Variants in MYH13 observed in about 807,000 individuals in gnomAD.
MYH13 encodes myosin heavy chain 13.
Under a neutral mutation model 232.1 loss-of-function variants are expected in MYH13, and 177 were observed. That is an observed-to-expected ratio of 0.76 (90% CI 0.67 to 0.86). The LOEUF is 0.86. Ranked by LOEUF, MYH13 falls within the 40% of genes least tolerant of loss-of-function variation. The pLI, the probability that MYH13 is intolerant of heterozygous loss-of-function variation, is 0.00. For missense variants in MYH13, 2,246 were observed against 2,405.9 expected (o/e 0.93, Z 1.39); for synonymous variants, 884 against 923.5 (o/e 0.96, Z 0.78).
intron 29 of MYH13, among the ~76,000 whole-genome samples, chr17:10,315,111 G>A (rs908756383): frequency 2.0e-5 from 3 of 152,266 alleles, no homozygotes; most frequent in African/African-American, 7.2e-5. Context: ...GTGATGGGGA[G>A]GAGGTGCCCT....
At chr17:10,366,438 T>C (rs755636215) in intron 2 of MYH13, among the ~76,000 whole-genome samples, 19 of 145,528 alleles carry the variant, frequency 1.3e-4, no homozygotes, top group Non-Finnish European at 1.8e-4. Context: ...TGGAGTGTAA[T>C]GGCACAATCT....
Position 10,306,778 on chromosome 17 carries a change from A to G in MYH13, c.5296-149T>C. 6.6e-7 allele frequency: 1 copy of G among 1,516,208 alleles called. No individual in the cohort carries two copies. The highest frequency in any genetic ancestry group is 1.3e-5 in the South Asian group (1 of 77,974). The allele number at this position is 1,516,208 out of a possible 1,614,324, so 93.9% of individuals were successfully genotyped here. On this transcript the variant is annotated intron_variant, in intron 36 of 40. Transcript: ENST00000252172. This position sits in a 1 kb window ranked among gnomAD's most constrained non-coding sequence, Gnocchi z 4.3. ...CTGATTCCCCACAGCCTCCCCTCCC[A>G]CTTTGCCACTGCTGAGACTGTACCT... is the stretch of plus-strand genomic sequence containing the variant.
At chr17:10,318,755 T>A (rs1377783053) in intron 27 of MYH13, 35 bp downstream of exon 27, 3 of 1,611,054 alleles carry the variant, frequency 1.9e-6, no homozygotes, top group Admixed American at 3.3e-5. Flanking sequence ...TCGGCTGCCT[T>A]GCATTCTCCA....
At chr17:10,345,100 C>T in intron 15 of MYH13, 102 bp downstream of exon 15, 1 of 1,582,684 alleles carries the variant, frequency 6.3e-7, no homozygotes, top group Non-Finnish European at 8.6e-7. Context: ...GGCTTGCAGC[C>T]TGGGGGCTAG....
At chr17:10,361,242 C>A (rs747944291) in intron 5 of MYH13, among the ~76,000 whole-genome samples, 1 of 151,120 alleles carries the variant, frequency 6.6e-6, no homozygotes, top group Non-Finnish European at 1.5e-5. Flanking sequence ...GACACCATTG[C>A]ATTAGATGAT....
intron 2 of MYH13, among the ~76,000 whole-genome samples, chr17:10,367,863 T>C (rs771138578): frequency 6.6e-6 from 1 of 152,194 alleles, no homozygotes; most frequent in Non-Finnish European, 1.5e-5. Flanking sequence ...GAAAGAGTAT[T>C]TTAGTCACCT....
chr17:10,361,901 G>A (rs2072265), intron 5 of MYH13, among the ~76,000 whole-genome samples: 31,091 of 152,152 alleles, frequency 0.2, 3,519 homozygotes, highest in East Asian at 0.47. Flanking sequence ...TCCCAAATAA[G>A]CAAGAGCTCA....
chr17:10,361,967 G>T (rs1368463599), intron 5 of MYH13, 151 bp downstream of exon 5: 1 of 1,432,066 alleles, frequency 7.0e-7, no homozygotes, highest in African/African-American at 1.4e-5. Flanking sequence ...GGCAATGGAA[G>T]ATGTTGTACC....
chr17:10,359,618 A>G lies in MYH13; in HGVS notation c.645+342T>C, dbSNP rs550783762. On this transcript the variant is annotated intron_variant, in intron 7 of 40. Transcript: ENST00000252172. ...ATAGCTGCTTGCTTAGAAGTTCAGG[A>G]GGCCCGGACTGGTCCCTGGTATCCA... Among the ~76,000 whole-genome samples the G allele has an allele frequency of 2.7e-3, 418 of 152,276 alleles. 2 individuals are homozygous for G. The highest frequency in any genetic ancestry group is 9.7e-3 in the African/African-American group (402 of 41,558).
At chr17:10,367,000 C>T (rs2071842898) in intron 2 of MYH13, among the ~76,000 whole-genome samples, 1 of 152,260 alleles carries the variant, frequency 6.6e-6, no homozygotes, top group Admixed American at 6.5e-5. Context: ...GCAGCACCCA[C>T]AAATAAGACT....
At chr17:10,327,803 G>C in intron 22 of MYH13, 63 bp downstream of exon 22, 1 of 1,574,870 alleles carries the variant, frequency 6.3e-7, no homozygotes, top group East Asian at 2.3e-5. Flanking sequence ...CGCCCTCAAT[G>C]TTCCTCCCCC....
At chr17:10,353,453 G>T (rs144540180) in intron 11 of MYH13, among the ~76,000 whole-genome samples, 1 of 152,098 alleles carries the variant, frequency 6.6e-6, no homozygotes, top group Non-Finnish European at 1.5e-5. Context: ...ACCCCTTTTC[G>T]CAAGCTCTTG....
intron 39 of MYH13, 116 bp from the exon 40 acceptor site, chr17:10,301,819 G>T: frequency 1.5e-6 from 2 of 1,340,828 alleles, no homozygotes; most frequent in Non-Finnish European, 2.0e-6. Context: ...ATTCCCTGAT[G>T]GCAGAGAGGG....
At position 10,361,177 on chromosome 17, in the gene MYH13, A is replaced by T. The variant is rs555436510; in HGVS notation, c.505+941T>A. Among the ~76,000 whole-genome samples the T allele has an allele frequency of 1.5e-4, 23 of 152,282 alleles. 1 individual carries two copies. The highest frequency in any genetic ancestry group is 4.6e-4 in the African/African-American group (19 of 41,542). On this transcript the variant is annotated intron_variant, in intron 5 of 40. Coordinates refer to ENST00000252172, the MANE Select transcript of MYH13 (RefSeq NM_003802.3). ...ATGAACTAATTTCAAGAAAAATATT[A>T]AGTTTGCAGACATGGCAAGGATTGT...
At position 10,340,340 on chromosome 17, in the gene MYH13, C is replaced by T. The variant is rs754650761; in HGVS notation, c.1956G>A (p.Ser652=). Residue 652 remains serine (S), a synonymous_variant, in exon 17 of 41, where the codon TCG becomes TCA. Transcript: ENST00000252172. ...CCAAAACACCAACCCTGAACACGGC[C>T]GACACGGTCTGGAAAGAGGAGCCCT... ...KKKGSSFQTV[S]AVFRENLNKL... 34 of 1,613,772 alleles carry T rather than the reference C, an allele frequency of 2.1e-5. No individual in the cohort carries two copies. Among genetic ancestry groups the T allele is most frequent in the Middle Eastern group, 1.6e-4 (1 of 6,082 alleles).
chr17:10,312,538 A>G, intron 31 of MYH13, 36 bp downstream of exon 31: 2 of 1,588,238 alleles, frequency 1.3e-6, no homozygotes, highest in Non-Finnish European at 1.7e-6. Flanking sequence ...AATTATCCTC[A>G]TGCCATCTTC....
At chr17:10,341,418 T>C (rs1186805758) in intron 16 of MYH13, 2 of 152,166 alleles carry the variant, frequency 1.3e-5, no homozygotes, top group Non-Finnish European at 2.9e-5. Flanking sequence ...CTCTAAAGAG[T>C]AAGTAACTGA....
At chr17:10,332,559 C>T (rs1282085222) in intron 19 of MYH13, among the ~76,000 whole-genome samples, 1 of 152,216 alleles carries the variant, frequency 6.6e-6, no homozygotes, top group East Asian at 1.9e-4. Flanking sequence ...TCTCCTACTT[C>T]TGGAAGGTCC....
At position 10,340,236 on chromosome 17, in the gene MYH13, T is replaced by TC; in HGVS notation, c.1969dup (p.Glu657GlyfsTer9). 3 of 1,614,016 alleles carry TC rather than the reference T, an allele frequency of 1.9e-6. No homozygotes were observed. The highest frequency in any genetic ancestry group is 2.5e-6 in the Non-Finnish European group (3 of 1,179,866). On this transcript the variant is annotated frameshift_variant and splice_region_variant, in exon 18 of 41. Transcript: ENST00000252172. LOFTEE classifies it high-confidence loss of function. ...GTTAGTCATCAATTTGTTTAAATTT[T>TC]CCTGGGACATAAACCAAAACAAGCA...
Sources: allele counts gnomAD v4.1 joint callset (sites outside exome capture counted in the v4.1 genomes callset), GRCh38; gene constraint gnomAD v4.1.1; non-coding constraint Gnocchi (gnomAD v3.1); transcripts MANE v1.5; gene names NCBI Gene and HGNC (gene_info 2026-07-23, HGNC 2026-07-21).